The following PRH1 variants were observed in gnomAD, a reference collection of about 807,000 sequenced individuals.
PRH1 encodes proline rich protein HaeIII subfamily 1, also known as salivary acidic proline-rich phosphoprotein 1/2.
In PRH1, 7 loss-of-function variants were observed where a neutral mutation model predicts 7.9. The ratio of observed to expected loss-of-function variants is 0.89; its 90% CI spans 0.50 to 1.67. The LOEUF is 1.67. Ranked by LOEUF, PRH1 falls within the 40% of genes most tolerant of loss-of-function variation. The pLI is 0.00. For missense variants in PRH1, 109 were observed against 223.6 expected, an observed-to-expected ratio of 0.49 and a Z score of 3.27; for synonymous variants, 45 against 80.8, an observed-to-expected ratio of 0.56 and a Z score of 2.38.
upstream of PRH1, among the ~76,000 whole-genome samples, chr12:10,885,710 A>C (rs1003034742): frequency 8.5e-5 from 13 of 152,218 alleles, no homozygotes; most frequent in Non-Finnish European, 1.5e-4. Flanking sequence ...CACCAGCTGC[A>C]CTTTCCATTT....
At chr12:11,123,942 A>G (rs73066852) in intron 1 of PRH1, among the ~76,000 whole-genome samples, 18,192 of 152,238 alleles carry the variant, frequency 0.12, 1,210 homozygotes, top group Non-Finnish European at 0.14. Flanking sequence ...GTTCTTTTTA[A>G]AAGTGTTTTT....
chr12:11,011,289 T>C (rs1941058934), intron 1 of PRH1, among the ~76,000 whole-genome samples: 2 of 152,046 alleles, frequency 1.3e-5, no homozygotes, highest in Admixed American at 1.3e-4. Flanking sequence ...TCTTTTTCCT[T>C]TTACATTCTC....
chr12:11,009,908 T>C (rs1481573214), intron 1 of PRH1, among the ~76,000 whole-genome samples: 1 of 151,956 alleles, frequency 6.6e-6, no homozygotes, highest in Non-Finnish European at 1.5e-5. Context: ...TCTGTGACTT[T>C]GAACTCCATC....
At chr12:11,109,135 C>T (rs1349110271) in intron 1 of PRH1, among the ~76,000 whole-genome samples, 1 of 152,180 alleles carries the variant, frequency 6.6e-6, no homozygotes, top group Non-Finnish European at 1.5e-5. Context: ...CCTCTCTGGT[C>T]AGGGCATCTC....
At chr12:11,094,019 C>G (rs2136269412) in intron 1 of PRH1, among the ~76,000 whole-genome samples, 1 of 114,550 alleles carries the variant, frequency 8.7e-6, no homozygotes, top group East Asian at 2.1e-4. Flanking sequence ...GACAGCCATC[C>G]ACCAAACCTG....
intron 1 of PRH1, among the ~76,000 whole-genome samples, chr12:11,063,093 A>T (rs1943680862): frequency 6.6e-6 from 1 of 152,140 alleles, no homozygotes; most frequent in Non-Finnish European, 1.5e-5. Flanking sequence ...ATATTTATTT[A>T]TCAAACATAT....
intron 1 of PRH1, among the ~76,000 whole-genome samples, chr12:11,103,126 A>C (rs1945305121): frequency 6.6e-6 from 1 of 152,212 alleles, no homozygotes; most frequent in Admixed American, 6.5e-5. Context: ...TGTGGAAGAC[A>C]GTGTGGCGAT....
intron 2 of PRH1, among the ~76,000 whole-genome samples, chr12:10,904,515 A>G (rs956333479): frequency 1.3e-5 from 2 of 152,198 alleles, no homozygotes; most frequent in Non-Finnish European, 2.9e-5. Context: ...TTCACCATAT[A>G]CAAAAATTAA....
In PRH1 at chr12:11,030,643, C is replaced by G. The variant is rs773288310; in HGVS notation, c.-126+16377G>C. ...CGGCACATAACAAGAGGAAAAAGAT[C>G]ACAGTTTGCAAAGCTTTTATGTGGA... On this transcript the variant is annotated intron_variant, in intron 1 of 3. Coordinates refer to the PRH1 transcript ENST00000539853. The G allele has an allele frequency of 4.3e-6, 7 of 1,614,158 alleles. No homozygotes were observed. The Admixed American group carries it at 1.2e-4, about 27-fold the overall frequency.
intron 1 of PRH1, among the ~76,000 whole-genome samples, chr12:11,146,507 T>C (rs1406076444): frequency 6.6e-6 from 1 of 152,142 alleles, no homozygotes; most frequent in African/African-American, 2.4e-5. Flanking sequence ...CTGTATTCAT[T>C]ATCAAATGCC....
intron 2 of PRH1, among the ~76,000 whole-genome samples, chr12:10,941,238 G>A (rs1467463290): frequency 6.6e-6 from 1 of 152,256 alleles, no homozygotes; most frequent in South Asian, 2.1e-4. Flanking sequence ...AGAGGGTCTC[G>A]CCCAAAGGAC....
chr12:11,015,821 T>A (rs1030791940), intron 1 of PRH1, among the ~76,000 whole-genome samples: 1 of 149,404 alleles, frequency 6.7e-6, no homozygotes, highest in African/African-American at 2.5e-5. Flanking sequence ...TACTATTTTT[T>A]TATTATTATT....
intron 1 of PRH1, among the ~76,000 whole-genome samples, chr12:11,045,570 T>G (rs1942873975): frequency 6.6e-6 from 1 of 152,156 alleles, no homozygotes; most frequent in Non-Finnish European, 1.5e-5. Flanking sequence ...CCACGAAACT[T>G]AAAAATACAT....
At chr12:10,914,945 G>T (rs538911068) in intron 2 of PRH1, among the ~76,000 whole-genome samples, 14 of 152,116 alleles carry the variant, frequency 9.2e-5, no homozygotes, top group Admixed American at 6.5e-4. Context: ...TGGCTAACAC[G>T]GTGAAACCCC....
rs373154103 is a variant in PRH1, at chr12:11,091,769, C to T, written n.124-44581G>A. On this transcript the variant is annotated intron_variant and non_coding_transcript_variant, in intron 1 of 4. Coordinates refer to the PRH1 transcript ENST00000541977. The stretch of plus-strand genomic sequence containing the variant: ...CATGTTTCCTTCAAATTCTTTTGTC[C>T]GCACAATCTCATTCATGTTTATCAC... 93 of 1,358,928 alleles carry T rather than the reference C, an allele frequency of 6.8e-5. 13 individuals carry two copies. In the African/African-American group the frequency reaches 8.4e-4, roughly 12 times the overall value. 84.2% of individuals were successfully genotyped at this position (1,358,928 alleles called of 1,614,324 possible). A position where few individuals can be genotyped will look rare whatever the true frequency, so the allele number is the denominator to read the frequency against.
chr12:11,007,339 T>A (rs2136033338), intron 1 of PRH1, among the ~76,000 whole-genome samples: 1 of 152,222 alleles, frequency 6.6e-6, no homozygotes, highest in South Asian at 2.1e-4. Flanking sequence ...GAAGGAATTA[T>A]TTTCTTTTAA....
chr12:10,959,574 A>G (rs889333047), intron 2 of PRH1, among the ~76,000 whole-genome samples: 3 of 152,218 alleles, frequency 2.0e-5, no homozygotes, highest in African/African-American at 7.2e-5. Flanking sequence ...AGATACTGAG[A>G]CATTGTACAA....
chr12:11,029,817 C>G (rs7953498), intron 1 of PRH1, among the ~76,000 whole-genome samples: 69,024 of 151,758 alleles, frequency 0.45, 16,484 homozygotes, highest in Non-Finnish European at 0.52. Context: ...TGTGTGCATT[C>G]TTTTCTAACA....
At chr12:11,028,498 T>TCA (rs1942028241) in intron 1 of PRH1, among the ~76,000 whole-genome samples, 1 of 152,256 alleles carries the variant, frequency 6.6e-6, no homozygotes, top group Non-Finnish European at 1.5e-5. Flanking sequence ...CTTGCCATTT[T>TCA]TGTCTTGAAC....
Sources: gnomAD v4.1 joint callset for allele counts (sites outside exome capture counted in the v4.1 genomes callset) on GRCh38, gnomAD v4.1.1 for gene constraint, MANE v1.5 for transcripts, NCBI Gene and HGNC (gene_info 2026-07-23, HGNC 2026-07-21) for gene names.